KMT2A: variants seen among roughly 807,000 people sequenced by gnomAD.
KMT2A encodes the protein lysine methyltransferase 2A, also known as histone-lysine N-methyltransferase 2A.
KMT2A carries 16 observed loss-of-function variants against 345.3 expected under a neutral mutation model. That is an observed-to-expected ratio of 0.05 (90% CI 0.03 to 0.07). KMT2A has a LOEUF of 0.07. Ranked by LOEUF, KMT2A falls within the 10% of genes least tolerant of loss-of-function variation. The pLI, the probability that KMT2A is intolerant of heterozygous loss-of-function variation, is 1.00. For missense variants in KMT2A, 3,272 were observed against 4,841.6 expected, an observed-to-expected ratio of 0.68 and a Z score of 9.62; for synonymous variants, 1,599 against 1,778.6, an observed-to-expected ratio of 0.90 and a Z score of 2.54.
At chr11:118,451,480 T>TG (rs34206138) in intron 1 of KMT2A, among the ~76,000 whole-genome samples, 1 of 152,130 alleles carries the variant, frequency 6.6e-6, no homozygotes, top group Admixed American at 6.5e-5. Context: ...CTCCACCTCC[T>TG]GGGCTCAAGT....
In KMT2A at chr11:118,476,765, A is replaced by T. The variant is rs782456089; in HGVS notation, c.3157-40A>T. ...GGCTTCGTTCAGTTATAATTTCAAC[A>T]TGTATGGTTGTTATTGTTTTTGGAT... On this transcript the variant is annotated intron_variant, in intron 3 of 35. Coordinates refer to ENST00000534358, the MANE Select transcript of KMT2A (RefSeq NM_001197104.2). This position sits in a 1 kb window ranked among gnomAD's most constrained non-coding sequence, Gnocchi z 4.1. 6.5e-7 allele frequency: 1 copy of T among 1,547,644 alleles called. No individual in the cohort carries two copies. The highest frequency in any genetic ancestry group is 8.8e-7 in the Non-Finnish European group (1 of 1,133,374).
At chr11:118,485,529 T>C (rs1950212606) in intron 10 of KMT2A, among the ~76,000 whole-genome samples, 1 of 152,142 alleles carries the variant, frequency 6.6e-6, no homozygotes, top group African/African-American at 2.4e-5. Flanking sequence ...CCTGAATAAA[T>C]GGGGACTTTC....
chr11:118,506,449 A>C lies in KMT2A; in HGVS notation c.10557A>C (p.Pro3519=). Residue 3519 remains proline, a synonymous_variant, in exon 27 of 36, where the codon CCA becomes CCC. Coordinates refer to ENST00000534358, the MANE Select transcript of KMT2A (RefSeq NM_001197104.2). ...GCCCCACCTCTCCTGGGGGTTCTCCATCCTCTCCATCTTCTGGACAGCGGT... is the reference window on the plus strand; with the variant it reads ...GCCCCACCTCTCCTGGGGGTTCTCCCTCCTCTCCATCTTCTGGACAGCGGT... The part of the protein sequence containing the change: ...QASPTSPGGS[P]SSPSSGQRSA... 1 of 1,614,166 alleles carries C rather than the reference A, an allele frequency of 6.2e-7. No homozygotes were observed. The highest frequency in any genetic ancestry group is 1.3e-5 in the African/African-American group (1 of 75,036).
chr11:118,439,193 A>G, intron 1 of KMT2A: 1 of 399,666 alleles, frequency 2.5e-6, no homozygotes, highest in South Asian at 1.8e-5. Flanking sequence ...GAAAAAACTG[A>G]CATTTCATTT....
chr11:118,518,231 G>T lies in KMT2A; in HGVS notation c.11147-1387G>T, dbSNP rs1282709133. ...ATTAGCTATTTGCTAGTGTCAAAAA[G>T]AAGTGTGGCAGTTGTAATTGTGCCC... On this transcript the variant is annotated intron_variant, in intron 31 of 35. Transcript: ENST00000534358. Among the ~76,000 whole-genome samples the T allele has an allele frequency of 2.0e-5, 3 of 152,138 alleles. No individual in the cohort carries two copies. In the East Asian group the frequency reaches 5.8e-4, roughly 29 times the overall value.
At chr11:118,518,122 T>C (rs565566583) in intron 31 of KMT2A, among the ~76,000 whole-genome samples, 8 of 152,314 alleles carry the variant, frequency 5.3e-5, no homozygotes, top group South Asian at 2.1e-4. Context: ...ATTAACACCA[T>C]TACTGTTTCT....
At chr11:118,447,579 C>G (rs558474126) in intron 1 of KMT2A, 2 of 431,990 alleles carry the variant, frequency 4.6e-6, no homozygotes, top group Admixed American at 2.8e-5. Context: ...GTAGATAATA[C>G]TTAGCACTGA....
rs1235971448 is a variant in KMT2A at position 118,483,304 on chromosome 11, G to A, written c.4086+809G>A. Reference sequence around the variant, plus strand: ...TCCCAGCACTTTGGGAGGCCGAGGCGGGCGGATCATGAGGGCAGGAGATCG... The same window carrying A: ...TCCCAGCACTTTGGGAGGCCGAGGCAGGCGGATCATGAGGGCAGGAGATCG... On this transcript the variant is annotated intron_variant, in intron 8 of 35. Coordinates refer to ENST00000534358, the MANE Select transcript of KMT2A (RefSeq NM_001197104.2). 2.0e-5 allele frequency among the ~76,000 whole-genome samples: 3 copies of A among 151,376 alleles called. No individual in the cohort carries two copies. In the East Asian group the frequency reaches 5.8e-4, roughly 29 times the overall value.
At position 118,494,268 on chromosome 11, in the gene KMT2A, C is replaced by T. The variant is rs766330532; in HGVS notation, c.5179-20C>T. The T allele has an allele frequency of 3.2e-6, 4 of 1,241,574 alleles. No individual in the cohort carries two copies. The highest frequency in any genetic ancestry group is 1.9e-4 in the Middle Eastern group (1 of 5,382). The allele number at this position is 1,241,574 out of a possible 1,614,324, so 76.9% of individuals were successfully genotyped here. ...AGCACACTGTTTTAAGAATAATTAACATTTTGTTTTTGTATACAGTTGGAG... is the reference window on the plus strand; with the variant it reads ...AGCACACTGTTTTAAGAATAATTAATATTTTGTTTTTGTATACAGTTGGAG... On this transcript the variant is annotated intron_variant, in intron 16 of 35. Coordinates refer to ENST00000534358, the MANE Select transcript of KMT2A (RefSeq NM_001197104.2). This position sits in a 1 kb window ranked among gnomAD's most constrained non-coding sequence, Gnocchi z 5.8.
Position 118,484,842 on chromosome 11 carries a change from T to C in KMT2A, c.4219-20T>C. The C allele has an allele frequency of 6.5e-7, 1 of 1,545,956 alleles. No homozygotes were observed. Among genetic ancestry groups the C allele is most frequent in the East Asian group, 2.2e-5 (1 of 44,564 alleles). Reference sequence around the variant, plus strand: ...TGTGTAATTGTAAAACTTTCCTAAGTGACCTTTCTCTCTCCACAGGAGGAT... The same window carrying C: ...TGTGTAATTGTAAAACTTTCCTAAGCGACCTTTCTCTCTCCACAGGAGGAT... On this transcript the variant is annotated intron_variant, in intron 9 of 35. Transcript: ENST00000534358. The surrounding 1 kb of genome is among the most constrained non-coding windows in gnomAD (Gnocchi z 4.1).
In KMT2A at chr11:118,473,232, C is replaced by T. The variant is rs1234057204; in HGVS notation, c.2073C>T (p.His691=). 2 of 1,611,210 alleles carry T rather than the reference C, an allele frequency of 1.2e-6. No homozygotes were observed. The highest frequency in any genetic ancestry group is 1.7e-6 in the Non-Finnish European group (2 of 1,178,716). Residue 691 remains histidine, a synonymous_variant, in exon 3 of 36, where the codon CAC becomes CAT. Coordinates refer to ENST00000534358, the MANE Select transcript of KMT2A (RefSeq NM_001197104.2). The surrounding 1 kb of genome is among the most constrained non-coding windows in gnomAD (Gnocchi z 5.2). ...PLHSGTRFDM[H]KRSPLLRAPR... ...ATTCTGGAACAAGGTTTGATATGCA[C>T]AAAAGGAGCCCTCTTCTGAGAGCTC...
chr11:118,485,042 A>G, intron 10 of KMT2A, 67 bp downstream of exon 10: 1 of 964,962 alleles, frequency 1.0e-6, no homozygotes, highest in South Asian at 1.4e-5. Flanking sequence ...TGAAATTACT[A>G]TAGTCTGTTT....
At position 118,523,649 on chromosome 11, in the gene KMT2A, G is replaced by C. The variant is rs555893489; in HGVS notation, c.*1477G>C. On this transcript the variant is annotated 3_prime_UTR_variant, in exon 36 of 36. Transcript: ENST00000534358. ...ATGACAAGGCTATTTTTTAAACCGC[G>C]GTATTATCCTAATTTAAAAGAAGAT... is the stretch of plus-strand genomic sequence containing the variant. 4.4e-6 allele frequency: 1 copy of C among 227,542 alleles called. No individual in the cohort carries two copies. The allele number at this position is 227,542 out of a possible 1,614,324, so 14.1% of individuals were successfully genotyped here.
At chr11:118,468,992 T>G in intron 2 of KMT2A, 148 bp downstream of exon 2, 1 of 487,630 alleles carries the variant, frequency 2.1e-6, no homozygotes, top group Non-Finnish European at 3.6e-6. Flanking sequence ...ATTTATTTAT[T>G]TATTTATTAT....
chr11:118,515,682 C>CTTTTT (rs11374365), intron 31 of KMT2A, among the ~76,000 whole-genome samples: 55 of 97,466 alleles, frequency 5.6e-4, no homozygotes, highest in East Asian at 8.7e-4. Flanking sequence ...TTTTTCTGTC[C>CTTTTT]TTTTTTTTTT....
chr11:118,493,098 T>C lies in KMT2A; in HGVS notation c.5046T>C (p.Ser1682=), dbSNP rs1555043007. The C allele has an allele frequency of 1.2e-6, 2 of 1,613,564 alleles. No homozygotes were observed. Among genetic ancestry groups the C allele is most frequent in the African/African-American group, 2.7e-5 (2 of 74,890 alleles). ...ACTTAAATCCCGAGACAGAGGAGAG[T>C]ATACCTTCCCGCAGCTCCCCCGAAG... ...PPDLNPETEE[S]IPSRSSPEGP... The change falls in exon 16 of 36, where the codon AGT becomes AGC. Residue 1682 remains serine (S), a synonymous_variant. Coordinates refer to ENST00000534358, the MANE Select transcript of KMT2A (RefSeq NM_001197104.2). This position sits in a 1 kb window ranked among gnomAD's most constrained non-coding sequence, Gnocchi z 5.8.
At chr11:118,471,628 T>C (rs1949943568) in intron 2 of KMT2A, 34 bp from the exon 3 acceptor site, 1 of 1,435,694 alleles carries the variant, frequency 7.0e-7, no homozygotes, top group East Asian at 2.3e-5. Context: ...CACAGCTAAA[T>C]ATATGCTCTT....
intron 1 of KMT2A, among the ~76,000 whole-genome samples, chr11:118,438,537 G>A (rs906723475): frequency 2.0e-5 from 3 of 152,066 alleles, no homozygotes; most frequent in Non-Finnish European, 4.4e-5. Context: ...GAGTGCTCTT[G>A]ATTGAAACAG....
Position 118,503,715 on chromosome 11 carries a change from A to G in KMT2A, c.7823A>G (p.Lys2608Arg). ...DRNLMLPDGPKPQEDGSFKRR... is the reference protein window; with the variant it reads ...DRNLMLPDGPRPQEDGSFKRR... ...AACCTAATGCTTCCAGATGGCCCCA[A>G]ACCTCAGGAGGATGGCTCTTTTAAA... The change falls in exon 27 of 36, where the codon AAA becomes AGA. Residue 2608 changes from lysine to arginine, a missense_variant. Physicochemically the swap from Lys to Arg is conservative, Grantham distance 26. Transcript: ENST00000534358. The surrounding 1 kb of genome is among the most constrained non-coding windows in gnomAD (Gnocchi z 5.3). The G allele has an allele frequency of 6.2e-7, 1 of 1,614,186 alleles. No homozygotes were observed. The highest frequency in any genetic ancestry group is 8.5e-7 in the Non-Finnish European group (1 of 1,180,024).
Sources: allele counts gnomAD v4.1 joint callset (sites outside exome capture counted in the v4.1 genomes callset), GRCh38; gene constraint gnomAD v4.1.1; non-coding constraint Gnocchi (gnomAD v3.1); transcripts MANE v1.5; gene names NCBI Gene and HGNC (gene_info 2026-07-23, HGNC 2026-07-21).